Variants in MSRA observed in about 807,000 individuals in gnomAD.
The protein encoded by MSRA is methionine sulfoxide reductase A, also known as mitochondrial peptide methionine sulfoxide reductase.
MSRA carries 54 observed loss-of-function variants against 31.3 expected under a neutral mutation model. The ratio of observed to expected loss-of-function variants is 1.73; its 90% CI spans 1.39 to 2.17. The LOEUF (loss-of-function observed/expected upper bound fraction) is 2.17. Ranked by LOEUF, MSRA falls within the 30% of genes most tolerant of loss-of-function variation. The pLI, the probability that MSRA is intolerant of heterozygous loss-of-function variation, is 0.00. For missense variants in MSRA, 507 were observed against 300.9 expected (o/e 1.69, Z -5.07); for synonymous variants, 169 against 116.5 (o/e 1.45, Z -2.90).
intron 1 of MSRA, among the ~76,000 whole-genome samples, chr8:10,188,028 T>C (rs1807200020): frequency 6.6e-6 from 1 of 152,248 alleles, no homozygotes; most frequent in Non-Finnish European, 1.5e-5. Context: ...AGGGAATATT[T>C]ACATGTTGAG....
chr8:10,250,149 T>G (rs1171170314), intron 3 of MSRA, among the ~76,000 whole-genome samples: 1 of 152,212 alleles, frequency 6.6e-6, no homozygotes, highest in African/African-American at 2.4e-5. Context: ...ACAGTTGTTA[T>G]GCAAACCAAC....
intron 3 of MSRA, among the ~76,000 whole-genome samples, chr8:10,276,303 C>G (rs566910704): frequency 6.6e-6 from 1 of 152,338 alleles, no homozygotes; most frequent in East Asian, 1.9e-4. Context: ...GTTGGTTAAT[C>G]ATATATAATC....
intron 1 of MSRA, among the ~76,000 whole-genome samples, chr8:10,092,610 A>G (rs1008739377): frequency 8.6e-5 from 13 of 150,966 alleles, no homozygotes; most frequent in African/African-American, 3.2e-4. Flanking sequence ...GTGAGGTGAG[A>G]TTGTGCCTGG....
At chr8:10,156,355 A>G (rs76257211) in intron 1 of MSRA, among the ~76,000 whole-genome samples, 2,970 of 152,180 alleles carry the variant, frequency 0.02, 95 homozygotes, top group African/African-American at 0.067. Context: ...TTCTTGAGAG[A>G]TGCCTTTTGG....
intron 1 of MSRA, among the ~76,000 whole-genome samples, chr8:10,145,192 G>A (rs1486300556): frequency 6.6e-6 from 1 of 152,192 alleles, no homozygotes; most frequent in Non-Finnish European, 1.5e-5. Flanking sequence ...TATGCAGTGC[G>A]AGGCGAGAAC....
At chr8:10,277,974 T>A (rs1320412804) in intron 3 of MSRA, among the ~76,000 whole-genome samples, 1 of 152,236 alleles carries the variant, frequency 6.6e-6, no homozygotes, top group Non-Finnish European at 1.5e-5. Context: ...GTACCTGTTA[T>A]TACAGCAGGG....
chr8:10,074,347 G>T (rs1470891927), intron 1 of MSRA, among the ~76,000 whole-genome samples: 2 of 152,088 alleles, frequency 1.3e-5, no homozygotes, highest in East Asian at 3.9e-4. Context: ...CTCCCAAAGT[G>T]CTGGGATTAC....
At chr8:10,150,935 G>A (rs781270971) in intron 1 of MSRA, among the ~76,000 whole-genome samples, 40 of 152,088 alleles carry the variant, frequency 2.6e-4, no homozygotes, top group Non-Finnish European at 5.3e-4. Flanking sequence ...GGACAGACCC[G>A]TGTCGCTCCC....
rs566602917 is a variant in MSRA at position 10,322,648 on chromosome 8, T to C, written c.543+2659T>C. Among the ~76,000 whole-genome samples, 8 of 152,324 alleles carry C rather than the reference T, an allele frequency of 5.3e-5. No individual in the cohort carries two copies. In the East Asian group the frequency reaches 1.5e-3, roughly 29 times the overall value. ...TTGCAGGGAGGATTGTTAGGACTGC[T>C]AACTGGGCTAATGCTTGTGAAACAC... On this transcript the variant is annotated intron_variant, in intron 5 of 5. Transcript: ENST00000317173.
chr8:10,077,393 G>A (rs1372493115), intron 1 of MSRA, among the ~76,000 whole-genome samples: 2 of 152,022 alleles, frequency 1.3e-5, no homozygotes, highest in Non-Finnish European at 2.9e-5. Flanking sequence ...TCTAAAGGGG[G>A]AAGATATGGG....
intron 1 of MSRA, among the ~76,000 whole-genome samples, chr8:10,109,924 C>A (rs1035526150): frequency 6.6e-6 from 1 of 152,176 alleles, no homozygotes; most frequent in African/African-American, 2.4e-5. Flanking sequence ...TGTGAAAGAT[C>A]AGTTGCCACA....
At chr8:10,080,006 C>T (rs186615850) in intron 1 of MSRA, among the ~76,000 whole-genome samples, 19 of 152,262 alleles carry the variant, frequency 1.2e-4, no homozygotes, top group Admixed American at 9.8e-4. Flanking sequence ...TTCTCTCTTC[C>T]CGTCAAAATT....
In MSRA at chr8:10,283,830, T is replaced by TACACACACAC. The variant is rs1170038638; in HGVS notation, c.332-17703_332-17702insCACACACACA. Among the ~76,000 whole-genome samples the TACACACACAC allele has an allele frequency of 4.6e-5, 3 of 65,326 alleles. 1 individual carries two copies. The highest frequency in any genetic ancestry group is 1.1e-4 in the African/African-American group (2 of 18,620). The allele number at this position is 65,326 out of a possible 152,430, so 42.9% of individuals were successfully genotyped here. On this transcript the variant is annotated intron_variant, in intron 3 of 5. Coordinates refer to ENST00000317173, the MANE Select transcript of MSRA (RefSeq NM_012331.5). ...ATATATATATATATATATATATATA[T>TACACACACAC]ATATATACACACACACACACACACA... is the stretch of plus-strand genomic sequence containing the variant.
At chr8:10,269,414 C>G (rs1237297545) in intron 3 of MSRA, among the ~76,000 whole-genome samples, 2 of 152,210 alleles carry the variant, frequency 1.3e-5, no homozygotes, top group South Asian at 4.1e-4. Flanking sequence ...GAAGAAACAA[C>G]CCGTGTTACC....
intron 1 of MSRA, among the ~76,000 whole-genome samples, chr8:10,077,967 TAA>T (rs1474293613): frequency 6.6e-6 from 1 of 152,220 alleles, no homozygotes; most frequent in Non-Finnish European, 1.5e-5. Flanking sequence ...AAATATTCAC[TAA>T]TATTTTCAGT....
At chr8:10,190,158 G>A (rs953553774) in intron 1 of MSRA, among the ~76,000 whole-genome samples, 1 of 152,056 alleles carries the variant, frequency 6.6e-6, no homozygotes, top group African/African-American at 2.4e-5. Context: ...TTTGGGGGAG[G>A]GGGGTCATTG....
chr8:10,364,881 C>T (rs1043807634), intron 5 of MSRA, among the ~76,000 whole-genome samples: 2 of 152,186 alleles, frequency 1.3e-5, no homozygotes, highest in African/African-American at 4.8e-5. Context: ...GGGTCTTTCC[C>T]TAAACTGTGA....
intron 1 of MSRA, among the ~76,000 whole-genome samples, chr8:10,140,251 A>C (rs1195417364): frequency 6.6e-6 from 1 of 152,126 alleles, no homozygotes; most frequent in Non-Finnish European, 1.5e-5. Context: ...TCCTTCCTCC[A>C]GTTACAGGGA....
At chr8:10,176,604 C>T (rs995148730) in intron 1 of MSRA, among the ~76,000 whole-genome samples, 9 of 152,218 alleles carry the variant, frequency 5.9e-5, no homozygotes, top group African/African-American at 2.2e-4. Context: ...AACTTTTCCC[C>T]AAATACTGCT....
Sources: allele counts gnomAD v4.1 joint callset (sites outside exome capture counted in the v4.1 genomes callset), GRCh38; gene constraint gnomAD v4.1.1; transcripts MANE v1.5; gene names NCBI Gene and HGNC (gene_info 2026-07-23, HGNC 2026-07-21).